Variants in USP30 observed in about 807,000 individuals in gnomAD.
USP30 encodes the protein ubiquitin specific peptidase 30.
A neutral mutation model predicts 68.2 loss-of-function variants in USP30; 41 were observed. The observed-to-expected ratio is 0.60, with a 90% CI of 0.47 to 0.78. The LOEUF (loss-of-function observed/expected upper bound fraction) is 0.78, where lower values mean the gene tolerates loss of function less well. Ranked by LOEUF, USP30 falls within the 30% of genes least tolerant of loss-of-function variation. The probability of loss-of-function intolerance (pLI) is 0.00; values close to 1 mark genes in which losing one functional copy is unlikely to be tolerated. For synonymous variants in USP30, 229 were observed against 253.7 expected, an observed-to-expected ratio of 0.90 and a Z score of 0.93; for missense variants, 522 against 649.4, an observed-to-expected ratio of 0.80 and a Z score of 2.13.
chr12:109,036,283 G>T (rs1170214288), intron 3 of USP30, among the ~76,000 whole-genome samples: 1 of 150,706 alleles, frequency 6.6e-6, no homozygotes, highest in African/African-American at 2.4e-5. Flanking sequence ...AGCCCAAAAT[G>T]TTCCTTTTAG....
intron 3 of USP30, among the ~76,000 whole-genome samples, chr12:109,045,401 C>T (rs1188834376): frequency 6.6e-6 from 1 of 152,158 alleles, no homozygotes; most frequent in Non-Finnish European, 1.5e-5. Flanking sequence ...TATGCCCAGG[C>T]AGTGTCTTGA....
intron 6 of USP30, among the ~76,000 whole-genome samples, chr12:109,072,832 C>T (rs1394034863): frequency 2.6e-5 from 4 of 152,166 alleles, no homozygotes; most frequent in Non-Finnish European, 4.4e-5. Flanking sequence ...TCATTTAAGC[C>T]TCATAACAAC....
rs529946072 is a variant in USP30 at position 109,085,670 on chromosome 12, C to T, written c.1293C>T (p.Ser431=). The change falls in exon 13 of 13, where the codon TCC becomes TCT. Residue 431 remains serine, a synonymous_variant. Coordinates refer to ENST00000257548, the MANE Select transcript of USP30 (RefSeq NM_032663.5). The part of the protein sequence containing the change: ...FPLPVVPDYS[S]STYLFRLMAV... ...GACATGTGTTCGTATCATTCAGCTC[C>T]TCCACATACCTCTTCCGGCTGATGG... is the stretch of plus-strand genomic sequence containing the variant. 52 of 1,613,890 alleles carry T rather than the reference C, an allele frequency of 3.2e-5. No individual in the cohort carries two copies. The highest frequency in any genetic ancestry group is 4.3e-5 in the Non-Finnish European group (51 of 1,179,928).
chr12:109,085,279 A>G (rs1218378765), intron 12 of USP30, among the ~76,000 whole-genome samples: 1 of 152,262 alleles, frequency 6.6e-6, no homozygotes, highest in Non-Finnish European at 1.5e-5. Flanking sequence ...TAAAATTTAC[A>G]TATGCATATG....
intron 3 of USP30, among the ~76,000 whole-genome samples, chr12:109,029,448 A>G (rs2040466422): frequency 6.6e-6 from 1 of 152,066 alleles, no homozygotes; most frequent in Non-Finnish European, 1.5e-5. Flanking sequence ...GTCTGTTTCC[A>G]TACATCTCTC....
At chr12:109,060,960 A>T (rs969669551) in intron 3 of USP30, among the ~76,000 whole-genome samples, 5 of 151,756 alleles carry the variant, frequency 3.3e-5, no homozygotes, top group Admixed American at 6.6e-5. Context: ...TAATTTTTTT[A>T]AAAAAATAGA....
intron 3 of USP30, among the ~76,000 whole-genome samples, chr12:109,030,698 C>A (rs2018290): frequency 0.38 from 57,199 of 152,062 alleles, 13,168 homozygotes; most frequent in East Asian, 0.52. Flanking sequence ...CTCACTGCAA[C>A]CTCTGCCTCC....
chr12:109,081,623 G>GCGCGCACACACACA (rs886662557), intron 8 of USP30: 8 of 500,534 alleles, frequency 1.6e-5, no homozygotes, highest in South Asian at 1.0e-4. Flanking sequence ...ACGCATGCGC[G>GCGCGCACACACACA]CACACACACA....
chr12:109,053,967 G>C, intron 1 of USP30: 1 of 455,778 alleles, frequency 2.2e-6, no homozygotes, highest in Non-Finnish European at 4.4e-6. Flanking sequence ...TGACCAAGTT[G>C]GGCTCTTAGT....
upstream of USP30, among the ~76,000 whole-genome samples, chr12:109,051,149 A>G (rs192280818): frequency 2.8e-4 from 43 of 152,052 alleles, no homozygotes; most frequent in African/African-American, 9.4e-4. Flanking sequence ...CTGGCCTCCC[A>G]AAGTGCTGGG....
exon 2 of USP30, chr12:109,024,913 C>G (rs2040433855): frequency 6.6e-6 from 1 of 152,434 alleles, no homozygotes; most frequent in East Asian, 1.9e-4. Flanking sequence ...ACCACCACAC[C>G]AGCCTAAAGC....
intron 7 of USP30, among the ~76,000 whole-genome samples, chr12:109,079,352 T>TTTTTTTTTTTTTTTTTTTTTTTTTTTTTC: frequency 1.5e-5 from 1 of 64,568 alleles, no homozygotes; most frequent in Non-Finnish European, 2.9e-5. Flanking sequence ...TTTTTTTTTC[T>TTTTTTTTTTTTTTTTTTTTTTTTTTTTTC]TTTTTTTTTT....
intron 3 of USP30, among the ~76,000 whole-genome samples, chr12:109,031,190 A>C (rs905280449): frequency 1.3e-5 from 2 of 152,234 alleles, no homozygotes; most frequent in African/African-American, 4.8e-5. Context: ...TTAATTTATT[A>C]ATGTGACTAC....
At chr12:109,079,320 CT>C (rs1490371384) in intron 7 of USP30, among the ~76,000 whole-genome samples, 2 of 59,996 alleles carry the variant, frequency 3.3e-5, no homozygotes, top group Non-Finnish European at 3.8e-5. Flanking sequence ...TCTTTTTTCT[CT>C]TTTTTTCTTT....
At chr12:109,081,799 A>T in intron 8 of USP30, 134 bp from the exon 9 acceptor site, 2 of 870,696 alleles carry the variant, frequency 2.3e-6, no homozygotes, top group Non-Finnish European at 3.7e-6. Flanking sequence ...TCCAGGAAAC[A>T]TCCAGTTGTG....
At chr12:109,044,880 A>T (rs547336187) in intron 3 of USP30, among the ~76,000 whole-genome samples, 1 of 151,958 alleles carries the variant, frequency 6.6e-6, no homozygotes, top group East Asian at 1.9e-4. Context: ...TACCATCATC[A>T]TTATGTTATC....
At chr12:109,049,580 C>T (rs935134504), upstream of USP30, among the ~76,000 whole-genome samples, 1 of 151,942 alleles carries the variant, frequency 6.6e-6, no homozygotes, top group African/African-American at 2.4e-5. Context: ...TTTGGGAGGC[C>T]AGGGCAAGCA....
chr12:109,025,214 C>G (rs1218233262), intron 2 of USP30: 1 of 152,120 alleles, frequency 6.6e-6, no homozygotes, highest in Non-Finnish European at 1.5e-5. Flanking sequence ...CCCAGCATCC[C>G]AGGGTTTCTA....
intron 2 of USP30, among the ~76,000 whole-genome samples, chr12:109,027,017 G>A (rs933174589): frequency 2.6e-5 from 4 of 152,112 alleles, no homozygotes; most frequent in African/African-American, 7.2e-5. Flanking sequence ...ACTTCCCAAA[G>A]GCCCCATTTC....
Sources: allele counts gnomAD v4.1 joint callset (sites outside exome capture counted in the v4.1 genomes callset), GRCh38; gene constraint gnomAD v4.1.1; transcripts MANE v1.5; gene names NCBI Gene and HGNC (gene_info 2026-07-23, HGNC 2026-07-21).